NKAIN3: variants seen among roughly 807,000 people sequenced by gnomAD.
The protein encoded by NKAIN3 is sodium/potassium-transporting ATPase subunit beta-1-interacting protein 3.
In NKAIN3, 25 loss-of-function variants were observed where a neutral mutation model predicts 30.2. That is an observed-to-expected ratio of 0.83 (90% CI 0.60 to 1.16). The LOEUF (loss-of-function observed/expected upper bound fraction) is 1.16, where lower values mean the gene tolerates loss of function less well. Ranked by LOEUF, NKAIN3 falls within the 50% of genes most tolerant of loss-of-function variation. The probability of loss-of-function intolerance (pLI) is 0.00; values close to 1 mark genes in which losing one functional copy is unlikely to be tolerated. For synonymous variants in NKAIN3, 91 were observed against 89.6 expected (o/e 1.02, Z -0.09); for missense variants, 225 against 254.1 (o/e 0.89, Z 0.78).
At chr8:62,533,610 C>CT (rs1808556489) in intron 1 of NKAIN3, among the ~76,000 whole-genome samples, 1 of 152,160 alleles carries the variant, frequency 6.6e-6, no homozygotes, top group Non-Finnish European at 1.5e-5. Context: ...AAGATTTCCC[C>CT]TTTTTTCTGC....
intron 4 of NKAIN3, among the ~76,000 whole-genome samples, chr8:62,910,350 C>T (rs1821893918): frequency 6.6e-6 from 1 of 152,066 alleles, no homozygotes; most frequent in Non-Finnish European, 1.5e-5. Context: ...CATCTATAAC[C>T]ATCTTCACAT....
intron 4 of NKAIN3, among the ~76,000 whole-genome samples, chr8:62,903,732 G>A (rs185191780): frequency 4.4e-4 from 67 of 152,224 alleles, no homozygotes; most frequent in Non-Finnish European, 6.8e-4. Flanking sequence ...AAAGGAAAGT[G>A]GTTTAATTGA....
chr8:62,421,444 G>A (rs1804637958), intron 1 of NKAIN3, among the ~76,000 whole-genome samples: 1 of 152,092 alleles, frequency 6.6e-6, no homozygotes, highest in African/African-American at 2.4e-5. Context: ...GTCTAAGTGT[G>A]TATGTACTTT....
At chr8:62,605,797 G>A (rs1811107238) in intron 3 of NKAIN3, among the ~76,000 whole-genome samples, 1 of 151,938 alleles carries the variant, frequency 6.6e-6, no homozygotes, top group Admixed American at 6.6e-5. Flanking sequence ...CTCAGATTTT[G>A]GTGTCTGCAG....
intron 3 of NKAIN3, among the ~76,000 whole-genome samples, chr8:62,633,790 C>G (rs1266879025): frequency 6.6e-6 from 1 of 152,212 alleles, no homozygotes; most frequent in Non-Finnish European, 1.5e-5. Flanking sequence ...ACCCCTGAGG[C>G]CTTTGCTTAG....
At chr8:62,788,245 T>A (rs1463400560) in intron 4 of NKAIN3, among the ~76,000 whole-genome samples, 1 of 152,222 alleles carries the variant, frequency 6.6e-6, no homozygotes, top group East Asian at 1.9e-4. Context: ...TGGTGTGAGA[T>A]GGTATCTCAT....
intron 3 of NKAIN3, among the ~76,000 whole-genome samples, chr8:62,658,210 G>A (rs1407347889): frequency 6.6e-6 from 1 of 152,106 alleles, no homozygotes; most frequent in African/African-American, 2.4e-5. Flanking sequence ...ACTGGCTTTG[G>A]GGTAAACTTG....
intron 4 of NKAIN3, among the ~76,000 whole-genome samples, chr8:62,915,664 A>G (rs1822074109): frequency 6.6e-6 from 1 of 152,194 alleles, no homozygotes; most frequent in African/African-American, 2.4e-5. Context: ...GTATACACAT[A>G]TACACACACA....
intron 1 of NKAIN3, among the ~76,000 whole-genome samples, chr8:62,434,243 A>G (rs562347412): frequency 2.3e-4 from 35 of 152,322 alleles, no homozygotes; most frequent in Non-Finnish European, 4.0e-4. Context: ...ATTTGAGCTG[A>G]GTCACAAAGT....
chr8:62,399,322 A>G (rs1194673272), intron 1 of NKAIN3, among the ~76,000 whole-genome samples: 10 of 152,104 alleles, frequency 6.6e-5, no homozygotes, highest in Admixed American at 6.5e-4. Context: ...CCTGGCCAAC[A>G]TGGTGAAACC....
intron 1 of NKAIN3, among the ~76,000 whole-genome samples, chr8:62,276,940 A>G (rs975634484): frequency 1.7e-4 from 26 of 152,134 alleles, no homozygotes; most frequent in Non-Finnish European, 3.8e-4. Context: ...AATTTTTCCT[A>G]GAACTCTATA....
intron 4 of NKAIN3, among the ~76,000 whole-genome samples, chr8:62,773,170 G>T (rs564839536): frequency 1.3e-5 from 2 of 151,942 alleles, no homozygotes; most frequent in Admixed American, 1.3e-4. Context: ...GTTTTCTTTT[G>T]GTAGCTTGAT....
intron 1 of NKAIN3, among the ~76,000 whole-genome samples, chr8:62,341,686 G>GA (rs1229687148): frequency 6.6e-6 from 1 of 151,134 alleles, no homozygotes. Context: ...AGATCCACAG[G>GA]AAAAAAATTC....
At chr8:62,670,109 A>G (rs1166758836) in intron 3 of NKAIN3, among the ~76,000 whole-genome samples, 3 of 152,136 alleles carry the variant, frequency 2.0e-5, no homozygotes, top group East Asian at 3.9e-4. Flanking sequence ...ACAACAAAAA[A>G]CCATTGACGA....
At chr8:62,397,672 C>A (rs927421642) in intron 1 of NKAIN3, among the ~76,000 whole-genome samples, 1 of 152,148 alleles carries the variant, frequency 6.6e-6, no homozygotes, top group Non-Finnish European at 1.5e-5. Flanking sequence ...AAGGCTAACT[C>A]TGAATTACCT....
chr8:62,953,739 G>A (rs1220594027), intron 5 of NKAIN3, among the ~76,000 whole-genome samples, 163 bp from the exon 6 acceptor site: 1 of 151,746 alleles, frequency 6.6e-6, no homozygotes, highest in Non-Finnish European at 1.5e-5. Flanking sequence ...TCCTCTTTTT[G>A]GCTCATTGAC....
At chr8:62,554,673 C>A (rs1418489447) in intron 1 of NKAIN3, among the ~76,000 whole-genome samples, 1 of 151,930 alleles carries the variant, frequency 6.6e-6, no homozygotes, top group Non-Finnish European at 1.5e-5. Context: ...AGATGAAAAT[C>A]CAAAAACAAA....
chr8:62,267,682 A>C (rs1241286493), intron 1 of NKAIN3, among the ~76,000 whole-genome samples: 1 of 152,182 alleles, frequency 6.6e-6, no homozygotes, highest in African/African-American at 2.4e-5. Context: ...GTATTCACTG[A>C]CTTCTTGGTA....
rs185909118 is a variant in NKAIN3, at chr8:62,725,361, A to G, written c.274-21571A>G. On this transcript the variant is annotated intron_variant, in intron 3 of 6. Coordinates refer to ENST00000623646, the MANE Select transcript of NKAIN3 (RefSeq NM_001304533.3). ...GTTGATTGTTTCATTTGCTGTGCAG[A>G]AGCTTTTTAATTTGATATGATCCCA... is the stretch of plus-strand genomic sequence containing the variant. Among the ~76,000 whole-genome samples the G allele has an allele frequency of 4.3e-3, 654 of 152,206 alleles. 6 individuals carry two copies. Among genetic ancestry groups the G allele is most frequent in the African/African-American group, 0.015 (615 of 41,546 alleles).
Sources: allele counts gnomAD v4.1 joint callset (sites outside exome capture counted in the v4.1 genomes callset), GRCh38; gene constraint gnomAD v4.1.1; transcripts MANE v1.5; gene names NCBI Gene and HGNC (gene_info 2026-07-23, HGNC 2026-07-21).